MYT1L: variants seen among roughly 807,000 people sequenced by gnomAD.
The protein encoded by MYT1L is myelin transcription factor 1-like protein.
A neutral mutation model predicts 126.7 loss-of-function variants in MYT1L; 12 were observed. The ratio of observed to expected loss-of-function variants is 0.09; its 90% CI spans 0.06 to 0.15. The LOEUF (loss-of-function observed/expected upper bound fraction) is 0.15, where lower values mean the gene tolerates loss of function less well. Ranked by LOEUF, MYT1L falls within the 10% of genes least tolerant of loss-of-function variation. The pLI is 1.00. For missense variants in MYT1L, 979 were observed against 1,585.2 expected, an observed-to-expected ratio of 0.62 and a Z score of 6.49; for synonymous variants, 541 against 604.2, an observed-to-expected ratio of 0.90 and a Z score of 1.53.
At chr2:2,137,640 T>C (rs2083264486) in intron 3 of MYT1L, among the ~76,000 whole-genome samples, 1 of 152,204 alleles carries the variant, frequency 6.6e-6, no homozygotes, top group Non-Finnish European at 1.5e-5. Context: ...TAGCCATATG[T>C]AGAAAGCTGA....
At chr2:2,256,108 G>A (rs888626) in intron 2 of MYT1L, among the ~76,000 whole-genome samples, 23 of 152,124 alleles carry the variant, frequency 1.5e-4, no homozygotes, top group African/African-American at 4.3e-4. Flanking sequence ...CTTCACTCGC[G>A]TCGGGCCAAA....
intron 4 of MYT1L, among the ~76,000 whole-genome samples, chr2:2,005,245 G>GGCGTTCTTTCCTGCAA (rs1553407490): frequency 1.6e-5 from 2 of 127,898 alleles, no homozygotes; most frequent in Non-Finnish European, 3.3e-5. Flanking sequence ...CTCTCCTGCA[G>GGCGTTCTTTCCTGCAA]GCGTTCTTTC....
chr2:2,119,600 G>A (rs1281371494), intron 3 of MYT1L, among the ~76,000 whole-genome samples: 2 of 152,172 alleles, frequency 1.3e-5, no homozygotes, highest in Non-Finnish European at 2.9e-5. Flanking sequence ...GAAGCATGCT[G>A]TGCATTTCAG....
chr2:1,864,244 C>T (rs985754531), intron 18 of MYT1L, among the ~76,000 whole-genome samples: 14 of 152,092 alleles, frequency 9.2e-5, no homozygotes, highest in African/African-American at 2.7e-4. Context: ...GGTTTGAGGT[C>T]CTCCCCAACA....
intron 14 of MYT1L, chr2:1,902,841 C>A (rs1305932462): frequency 1.9e-6 from 1 of 526,814 alleles, no homozygotes; most frequent in Non-Finnish European, 3.4e-6. Flanking sequence ...CAGCCGAGTG[C>A]GCTGTCTCGG....
intron 2 of MYT1L, among the ~76,000 whole-genome samples, chr2:2,271,750 T>C (rs1051238581): frequency 1.3e-5 from 2 of 152,178 alleles, no homozygotes; most frequent in Non-Finnish European, 2.9e-5. Context: ...CACTCTGGCA[T>C]TGCTGAGTCT....
intron 13 of MYT1L, among the ~76,000 whole-genome samples, chr2:1,909,392 A>C (rs1250544557): frequency 6.6e-6 from 1 of 152,228 alleles, no homozygotes; most frequent in African/African-American, 2.4e-5. Flanking sequence ...GTACATCTGA[A>C]CAGTAGAATA....
At chr2:2,271,905 G>A (rs1024137742) in intron 2 of MYT1L, among the ~76,000 whole-genome samples, 2 of 152,322 alleles carry the variant, frequency 1.3e-5, no homozygotes, top group Middle Eastern at 3.4e-3. Flanking sequence ...TGGATCAATG[G>A]TAGATCTTCA....
chr2:2,241,274 T>TG (rs199705964), intron 2 of MYT1L, among the ~76,000 whole-genome samples: 12,803 of 121,062 alleles, frequency 0.11, 592 homozygotes, highest in South Asian at 0.18. Flanking sequence ...AAATACATCT[T>TG]TTGTGTGTGT....
At chr2:1,813,666 A>C (rs1241776352) in intron 21 of MYT1L, among the ~76,000 whole-genome samples, 2 of 151,946 alleles carry the variant, frequency 1.3e-5, no homozygotes, top group Non-Finnish European at 2.9e-5. Context: ...GGCTCCTTAG[A>C]AGTTAATCCT....
intron 18 of MYT1L, among the ~76,000 whole-genome samples, chr2:1,881,434 A>C (rs571095400): frequency 6.7e-6 from 1 of 149,302 alleles, no homozygotes; most frequent in South Asian, 2.1e-4. Context: ...TTGTTTTAGA[A>C]GTTTTACTGT....
intron 21 of MYT1L, among the ~76,000 whole-genome samples, chr2:1,815,686 C>T (rs559232616): frequency 6.6e-6 from 1 of 152,388 alleles, no homozygotes; most frequent in African/African-American, 2.4e-5. Context: ...ACAGCCACCC[C>T]TTCCCCATGC....
At chr2:1,981,960 G>T (rs2060645465) in intron 5 of MYT1L, among the ~76,000 whole-genome samples, 1 of 152,182 alleles carries the variant, frequency 6.6e-6, no homozygotes, top group African/African-American at 2.4e-5. Flanking sequence ...GGCTCATCAG[G>T]CAGCTTTTGG....
intron 4 of MYT1L, among the ~76,000 whole-genome samples, chr2:2,023,978 C>T (rs2149849669): frequency 6.6e-6 from 1 of 152,222 alleles, no homozygotes; most frequent in African/African-American, 2.4e-5. Context: ...AATTACTTTG[C>T]CAGCTTGCTT....
intron 5 of MYT1L, among the ~76,000 whole-genome samples, chr2:1,996,909 C>T (rs1378055134): frequency 2.1e-5 from 3 of 141,512 alleles, no homozygotes; most frequent in East Asian, 2.1e-4. Flanking sequence ...CGAGTGTAGA[C>T]GGGCTGCCTT....
At chr2:2,122,962 G>T (rs1478569954) in intron 3 of MYT1L, among the ~76,000 whole-genome samples, 4 of 151,990 alleles carry the variant, frequency 2.6e-5, no homozygotes, top group Non-Finnish European at 5.9e-5. Flanking sequence ...GGGACAGTAG[G>T]AGAGAGAGCT....
At chr2:1,821,084 T>C (rs1208358904) in intron 21 of MYT1L, among the ~76,000 whole-genome samples, 3 of 152,168 alleles carry the variant, frequency 2.0e-5, no homozygotes, top group Non-Finnish European at 4.4e-5. Flanking sequence ...CGTCCATATA[T>C]AAATCCTACT....
chr2:2,027,116 C>T (rs2065712203), intron 4 of MYT1L, among the ~76,000 whole-genome samples: 1 of 152,186 alleles, frequency 6.6e-6, no homozygotes, highest in Non-Finnish European at 1.5e-5. Flanking sequence ...GTGAACCCCC[C>T]ATCGCCGCTG....
chr2:1,996,597 C>T (rs1380173747), intron 5 of MYT1L, among the ~76,000 whole-genome samples: 56 of 127,160 alleles, frequency 4.4e-4, no homozygotes, highest in African/African-American at 7.2e-4. Context: ...GAGTGAGGGC[C>T]GCCCTGCCTC....
Sources: allele counts gnomAD v4.1 joint callset (sites outside exome capture counted in the v4.1 genomes callset), GRCh38; gene constraint gnomAD v4.1.1; transcripts MANE v1.5; gene names NCBI Gene and HGNC (gene_info 2026-07-23, HGNC 2026-07-21).